Variants in POMT1 observed in about 807,000 individuals in gnomAD.
The protein encoded by POMT1 is protein O-mannosyltransferase 1.
Under a neutral mutation model 101.6 loss-of-function variants are expected in POMT1, and 85 were observed. That is an observed-to-expected ratio of 0.84 (90% CI 0.70 to 1.00). The LOEUF (loss-of-function observed/expected upper bound fraction) is 1.00. Among genes scored for constraint, POMT1 ranks in the 50% least tolerant of loss-of-function variants. POMT1 has a pLI of 0.00. For missense variants in POMT1, 857 were observed against 930.4 expected (o/e 0.92, Z 1.03); for synonymous variants, 371 against 383.0 (o/e 0.97, Z 0.37).
rs1288718947 is a variant in POMT1 at position 131,515,553 on chromosome 9, A to G, written c.1272+31A>G. ...TAAGGCTGCGGCTATAGCAGCCACA[A>G]CCGTCAGTAATGAACACTCCCTCAC... On this transcript the variant is annotated intron_variant, in intron 13 of 19. Coordinates refer to ENST00000402686, the MANE Select transcript of POMT1 (RefSeq NM_001077365.2). 13 of 1,589,718 alleles carry G rather than the reference A, an allele frequency of 8.2e-6. No homozygotes were observed. The South Asian group carries it at 1.4e-4, about 18-fold the overall frequency.
chr9:131,521,556 C>T, intron 18 of POMT1, 84 bp downstream of exon 18: 2 of 1,510,302 alleles, frequency 1.3e-6, no homozygotes, highest in East Asian at 2.3e-5. Context: ...TCTTGAACTC[C>T]TGGGCTTAAG....
At chr9:131,513,366 T>C in intron 12 of POMT1, 35 bp downstream of exon 12, 1 of 1,583,830 alleles carries the variant, frequency 6.3e-7, no homozygotes, top group Non-Finnish European at 8.6e-7. Context: ...GCTGCACCTG[T>C]GGGTTTCCTC....
rs754611085 is a variant in POMT1 at position 131,510,377 on chromosome 9, G to A, written c.817G>A (p.Asp273Asn). The change falls in exon 9 of 20, where the codon GAC becomes AAC. Residue 273 changes from aspartate to asparagine, a missense_variant. Transcript: ENST00000402686. ...TCTAGTCTTCCGCTCTGGGCCCCAC[G>A]ACCAAATCATGTCCAGTGCCTTCCA... is the stretch of plus-strand genomic sequence containing the variant. ...LILVFRSGPH[D>N]QIMSSAFQAS... 2.2e-5 allele frequency: 35 copies of A among 1,613,986 alleles called. No individual in the cohort carries two copies. The East Asian group carries it at 2.7e-4, about 12-fold the overall frequency.
rs1436728528 is a variant in POMT1 at position 131,519,114 on chromosome 9, C to T, written c.1486+157C>T. 1.3e-5 allele frequency among the ~76,000 whole-genome samples: 2 copies of T among 152,218 alleles called. No homozygotes were observed. The highest frequency in any genetic ancestry group is 4.8e-5 in the African/African-American group (2 of 41,462). On this transcript the variant is annotated intron_variant, in intron 15 of 19. Coordinates refer to ENST00000402686, the MANE Select transcript of POMT1 (RefSeq NM_001077365.2). The surrounding 1 kb of genome is among the most constrained non-coding windows in gnomAD (Gnocchi z 4.3). ...CTCCCTCCCTGCACCCTGCACTCAG[C>T]TGCTGCAGTAATAACTCAAGACGCT...
chr9:131,521,370 A>G lies in POMT1; in HGVS notation c.1723A>G (p.Ile575Val). ...GGCTCAGATCCACCTACTTGGAAACATAGTGATCTGGGTTTCGGGCAGCCT... is the reference window on the plus strand; with the variant it reads ...GGCTCAGATCCACCTACTTGGAAACGTAGTGATCTGGGTTTCGGGCAGCCT... ...TSAQIHLLGN[I>V]VIWVSGSLAL... is the part of the protein sequence containing the mutation. The change falls in exon 18 of 20, where the codon ATA becomes GTA. Residue 575 changes from isoleucine (I) to valine (V), a missense_variant. Ile to Val is a conservative substitution (Grantham distance 29). Coordinates refer to ENST00000402686, the MANE Select transcript of POMT1 (RefSeq NM_001077365.2). The G allele has an allele frequency of 6.2e-7, 1 of 1,614,162 alleles. No homozygotes were observed. The highest frequency in any genetic ancestry group is 1.1e-5 in the South Asian group (1 of 91,080).
chr9:131,511,477 T>C lies in POMT1; in HGVS notation c.986+10T>C. 6.2e-7 allele frequency: 1 copy of C among 1,614,054 alleles called. No individual in the cohort carries two copies. The highest frequency in any genetic ancestry group is 8.5e-7 in the Non-Finnish European group (1 of 1,179,880). ...ACACCTACCCCATGATGTAAGGTGA[T>C]GGTTTTACTTTGAAGATAATTAAAT... On this transcript the variant is annotated intron_variant, in intron 10 of 19. Transcript: ENST00000402686.
Position 131,522,188 on chromosome 9 carries a change from C to T in POMT1, c.1967C>T (p.Pro656Leu), listed in dbSNP as rs1169558992. 2 of 1,614,106 alleles carry T rather than the reference C, an allele frequency of 1.2e-6. No homozygotes were observed. Among genetic ancestry groups the T allele is most frequent in the East Asian group, 2.2e-5 (1 of 44,886 alleles). The change falls in exon 19 of 20, where the codon CCT (proline) becomes CTT (leucine). Residue 656 changes from proline to leucine, a missense_variant. Transcript: ENST00000402686. This position sits in a 1 kb window ranked among gnomAD's most constrained non-coding sequence, Gnocchi z 5.5. ...PALTFQILLL[P>L]VVLQHISDHL... ...CTCACCTTCCAAATCCTTCTGCTCC[C>T]TGTGGTCCTGCAGCACATCAGCGAC...
chr9:131,517,323 C>G (rs894973818), intron 13 of POMT1, among the ~76,000 whole-genome samples: 34 of 152,136 alleles, frequency 2.2e-4, no homozygotes, highest in Non-Finnish European at 4.4e-5. Context: ...GTTGGCCTCC[C>G]AAGCTTAGGT....
rs1028880696 is a variant in POMT1, at chr9:131,503,775, G to T, written c.-30-414G>T. Among the ~76,000 whole-genome samples, 10 of 152,174 alleles carry T rather than the reference G, an allele frequency of 6.6e-5. No homozygotes were observed. Among genetic ancestry groups the T allele is most frequent in the African/African-American group, 2.2e-4 (9 of 41,430 alleles). On this transcript the variant is annotated intron_variant, in intron 1 of 19. Coordinates refer to ENST00000402686, the MANE Select transcript of POMT1 (RefSeq NM_001077365.2). The surrounding 1 kb of genome is among the most constrained non-coding windows in gnomAD (Gnocchi z 4.4). ...AGAGATGAGGAGGCCCCGAGGCTCG[G>T]CCAGGTTGGGGTCCCTGGGCTGTAA...
At chr9:131,515,650 G>A (rs184477601) in intron 13 of POMT1, 128 bp downstream of exon 13, 24 of 862,866 alleles carry the variant, frequency 2.8e-5, no homozygotes, top group Admixed American at 3.9e-5. Context: ...ATCACACGGA[G>A]CACTTCCTCT....
intron 9 of POMT1, chr9:131,510,977 A>AAAG: frequency 3.8e-6 from 1 of 263,354 alleles, no homozygotes; most frequent in Non-Finnish European, 7.4e-6. Context: ...GCCGACGGCC[A>AAAG]GTGCTGTAGT....
chr9:131,514,613 G>A (rs1238666607), intron 12 of POMT1, among the ~76,000 whole-genome samples: 2 of 152,252 alleles, frequency 1.3e-5, no homozygotes, highest in African/African-American at 4.8e-5. Flanking sequence ...ACAGTGCCAG[G>A]TGCATGGTGC....
chr9:131,508,831 CT>C, intron 5 of POMT1, 79 bp from the exon 6 acceptor site: 4 of 1,033,948 alleles, frequency 3.9e-6, no homozygotes, highest in East Asian at 2.4e-5. Flanking sequence ...GAAGTAATGC[CT>C]TTTTTCATGA....
Position 131,522,992 on chromosome 9 carries a change from C to T in POMT1, c.2064C>T (p.Cys688=), listed in dbSNP as rs1335756801. 2.5e-6 allele frequency: 4 copies of T among 1,607,732 alleles called. No individual in the cohort carries two copies. The East Asian group carries it at 8.9e-5, about 36-fold the overall frequency. ...TGGTGGCCTGGTACTCCTCCGCGTG[C>T]CACGTGTCCAACACGCTGCGCCCAC... is the stretch of plus-strand genomic sequence containing the variant. ...ALVVAWYSSA[C]HVSNTLRPLT... The change falls in exon 20 of 20, where the codon TGC becomes TGT. Residue 688 remains cysteine, a synonymous_variant. Transcript: ENST00000402686. The surrounding 1 kb of genome is among the most constrained non-coding windows in gnomAD (Gnocchi z 5.5).
Position 131,505,541 on chromosome 9 carries a change from G to A in POMT1, c.123-573G>A, listed in dbSNP as rs544215054. Among the ~76,000 whole-genome samples, 56 of 152,084 alleles carry A rather than the reference G, an allele frequency of 3.7e-4. 1 individual carries two copies. Among genetic ancestry groups the A allele is most frequent in the African/African-American group, 4.8e-4 (20 of 41,392 alleles). ...CTCCCAAAGTGCTGGGATTACAGGCGTGAGCCACCGTGCCTGGCTGAGGAT... is the reference window on the plus strand; with the variant it reads ...CTCCCAAAGTGCTGGGATTACAGGCATGAGCCACCGTGCCTGGCTGAGGAT... On this transcript the variant is annotated intron_variant, in intron 2 of 19. Transcript: ENST00000402686.
rs34159422 is a variant in POMT1 at position 131,511,272 on chromosome 9, G to A, written c.856-65G>A. ...CCCCAGAGGGAGGAGTGGCCATCGGGAAGGCTGGCTTAGGGTCATTTTTCT... is the reference window on the plus strand; with the variant it reads ...CCCCAGAGGGAGGAGTGGCCATCGGAAAGGCTGGCTTAGGGTCATTTTTCT... On this transcript the variant is annotated intron_variant, in intron 9 of 19. Coordinates refer to ENST00000402686, the MANE Select transcript of POMT1 (RefSeq NM_001077365.2). 146,437 of 1,523,980 alleles carry A rather than the reference G, an allele frequency of 0.096. 7,511 individuals are homozygous for A. Among genetic ancestry groups the A allele is most frequent in the Middle Eastern group, 0.17 (952 of 5,458 alleles). The allele number at this position is 1,523,980 out of a possible 1,614,324, so 94.4% of individuals were successfully genotyped here. A position where few individuals can be genotyped will look rare whatever the true frequency, so the allele number is the denominator to read the frequency against.
intron 9 of POMT1, 69 bp downstream of exon 9, chr9:131,510,484 A>G (rs1292649360): frequency 6.6e-6 from 10 of 1,526,602 alleles, no homozygotes; most frequent in South Asian, 1.1e-5. Flanking sequence ...TTTTCTTACA[A>G]ACACATCAAG....
At position 131,522,452 on chromosome 9, in the gene POMT1, G is replaced by C; in HGVS notation, c.2003+228G>C. ...TGACAGAGATGAAAGCGGAGTGGGT[G>C]GGGAGACGGGGAGGGGATGAAGAGA... On this transcript the variant is annotated intron_variant, in intron 19 of 19. Transcript: ENST00000402686. This position sits in a 1 kb window ranked among gnomAD's most constrained non-coding sequence, Gnocchi z 5.5. 1 of 855,420 alleles carries C rather than the reference G, an allele frequency of 1.2e-6. No individual in the cohort carries two copies. Among genetic ancestry groups the C allele is most frequent in the South Asian group, 1.8e-5 (1 of 56,600 alleles). 53.0% of individuals were successfully genotyped at this position (855,420 alleles called of 1,614,324 possible).
chr9:131,505,801 G>A (rs556675943), intron 2 of POMT1, among the ~76,000 whole-genome samples: 3 of 152,244 alleles, frequency 2.0e-5, no homozygotes, highest in African/African-American at 7.2e-5. Flanking sequence ...GATTAGCCTT[G>A]CGTCCCAGGA....
Sources: gnomAD v4.1 joint callset for allele counts (sites outside exome capture counted in the v4.1 genomes callset) on GRCh38, gnomAD v4.1.1 for gene constraint, Gnocchi (gnomAD v3.1) non-coding constraint, MANE v1.5 for transcripts, NCBI Gene and HGNC (gene_info 2026-07-23, HGNC 2026-07-21) for gene names.